Variants in RALYL observed in about 807,000 individuals in gnomAD.
RALYL encodes RNA-binding Raly-like protein.
Under a neutral mutation model 35.1 loss-of-function variants are expected in RALYL, and 29 were observed. The ratio of observed to expected loss-of-function variants is 0.83; its 90% CI spans 0.61 to 1.13. RALYL has a LOEUF of 1.13. Among genes scored for constraint, RALYL ranks in the 50% most tolerant of loss-of-function variants. The pLI is 0.00. For missense variants in RALYL, 359 were observed against 360.4 expected, an observed-to-expected ratio of 1.00 and a Z score of 0.03; for synonymous variants, 120 against 127.6, an observed-to-expected ratio of 0.94 and a Z score of 0.40.
At chr8:84,729,059 C>T (rs1349111166) in intron 2 of RALYL, among the ~76,000 whole-genome samples, 5 of 152,078 alleles carry the variant, frequency 3.3e-5, no homozygotes, top group Admixed American at 2.6e-4. Flanking sequence ...TATGAATTAC[C>T]TTGGGCAGTA....
At chr8:84,189,016 G>C (rs1813208572) in intron 1 of RALYL, among the ~76,000 whole-genome samples, 1 of 152,114 alleles carries the variant, frequency 6.6e-6, no homozygotes, top group African/African-American at 2.4e-5. Context: ...TCCATTTGTA[G>C]CCACAGAGAT....
chr8:84,511,119 T>A (rs1456349069), intron 1 of RALYL, among the ~76,000 whole-genome samples: 4 of 152,176 alleles, frequency 2.6e-5, no homozygotes, highest in African/African-American at 9.6e-5. Flanking sequence ...ATCCTTCTAC[T>A]CTACTTCCAT....
chr8:84,713,847 G>A (rs930132525), intron 2 of RALYL, among the ~76,000 whole-genome samples: 1 of 150,746 alleles, frequency 6.6e-6, no homozygotes, highest in Non-Finnish European at 1.5e-5. Context: ...TCCATCCACA[G>A]ATAGGATAAA....
At chr8:84,308,438 C>G (rs1050975708) in intron 1 of RALYL, among the ~76,000 whole-genome samples, 1 of 152,134 alleles carries the variant, frequency 6.6e-6, no homozygotes, top group African/African-American at 2.4e-5. Flanking sequence ...CTGGCACTTT[C>G]TAGGTCTCTT....
At chr8:84,372,190 A>G (rs73298710) in intron 1 of RALYL, among the ~76,000 whole-genome samples, 4,495 of 152,148 alleles carry the variant, frequency 0.03, 215 homozygotes, top group African/African-American at 0.1. Flanking sequence ...TGACTTTACA[A>G]GTCAATAACA....
intron 2 of RALYL, among the ~76,000 whole-genome samples, chr8:84,732,303 T>C (rs1426860105): frequency 6.6e-6 from 1 of 152,142 alleles, no homozygotes; most frequent in African/African-American, 2.4e-5. Context: ...GAATGATTAA[T>C]AGCCTCATCT....
intron 1 of RALYL, among the ~76,000 whole-genome samples, chr8:84,335,233 T>G (rs1276502862): frequency 1.3e-5 from 2 of 152,162 alleles, no homozygotes; most frequent in Non-Finnish European, 2.9e-5. Context: ...TCTCTCCTCT[T>G]GCTGGCCTCT....
intron 1 of RALYL, among the ~76,000 whole-genome samples, chr8:84,347,078 G>C (rs1187948771): frequency 6.6e-6 from 1 of 151,908 alleles, no homozygotes; most frequent in African/African-American, 2.4e-5. Flanking sequence ...ACAGGTGCCT[G>C]TAAACCCAGC....
chr8:84,338,664 A>G (rs1848250629), intron 1 of RALYL, among the ~76,000 whole-genome samples: 2 of 152,166 alleles, frequency 1.3e-5, no homozygotes, highest in Non-Finnish European at 2.9e-5. Flanking sequence ...TTCAAATCAA[A>G]CAGCCCTCTT....
intron 2 of RALYL, among the ~76,000 whole-genome samples, chr8:84,566,945 T>C (rs961983484): frequency 6.6e-6 from 1 of 151,726 alleles, no homozygotes; most frequent in Admixed American, 6.6e-5. Flanking sequence ...CATTTACAGT[T>C]TCTTTTAAAA....
chr8:84,306,141 G>C (rs954997588), intron 1 of RALYL, among the ~76,000 whole-genome samples: 37 of 151,620 alleles, frequency 2.4e-4, no homozygotes, highest in Non-Finnish European at 7.4e-5. Context: ...CCCAGCCTGG[G>C]TGACAGAGCG....
chr8:84,753,388 G>T (rs925191322), intron 2 of RALYL, among the ~76,000 whole-genome samples: 1 of 152,132 alleles, frequency 6.6e-6, no homozygotes, highest in South Asian at 2.1e-4. Flanking sequence ...TTGAGTTAAT[G>T]CTAGAATGGG....
chr8:84,302,114 A>G (rs1840911522), intron 1 of RALYL, among the ~76,000 whole-genome samples: 1 of 152,190 alleles, frequency 6.6e-6, no homozygotes, highest in Non-Finnish European at 1.5e-5. Flanking sequence ...ATCAAAGATT[A>G]TCATACAACT....
intron 2 of RALYL, among the ~76,000 whole-genome samples, chr8:84,631,846 T>A (rs1158818351): frequency 6.6e-6 from 1 of 152,002 alleles, no homozygotes; most frequent in South Asian, 2.1e-4. Context: ...ATTATTTGTA[T>A]GATTTGAACA....
At chr8:84,530,367 A>G (rs193139325) in intron 2 of RALYL, among the ~76,000 whole-genome samples, 4 of 152,058 alleles carry the variant, frequency 2.6e-5, no homozygotes, top group Admixed American at 2.6e-4. Flanking sequence ...TCTCATGGAT[A>G]CTCAAAAGGC....
At chr8:84,452,867 A>T (rs1183041038) in intron 1 of RALYL, among the ~76,000 whole-genome samples, 1 of 151,972 alleles carries the variant, frequency 6.6e-6, no homozygotes, top group East Asian at 1.9e-4. Context: ...ATGTATATTT[A>T]TGATTAAGAT....
intron 2 of RALYL, among the ~76,000 whole-genome samples, chr8:84,612,369 G>A (rs1818495482): frequency 6.6e-6 from 1 of 152,050 alleles, no homozygotes; most frequent in Non-Finnish European, 1.5e-5. Context: ...GGAGAGCATA[G>A]TAAAGGCAGG....
intron 1 of RALYL, among the ~76,000 whole-genome samples, chr8:84,405,928 G>A (rs201834845): frequency 4.9e-5 from 7 of 142,868 alleles, no homozygotes; most frequent in East Asian, 2.0e-4. Flanking sequence ...CACGCCATTC[G>A]CCTGCCTCAG....
intron 1 of RALYL, among the ~76,000 whole-genome samples, chr8:84,301,656 A>C (rs1328827541): frequency 6.6e-6 from 1 of 152,128 alleles, no homozygotes; most frequent in Non-Finnish European, 1.5e-5. Flanking sequence ...TAAATTGTAC[A>C]TCCATAGGGG....
Sources: allele counts gnomAD v4.1 joint callset (sites outside exome capture counted in the v4.1 genomes callset), GRCh38; gene constraint gnomAD v4.1.1; transcripts MANE v1.5; gene names NCBI Gene and HGNC (gene_info 2026-07-23, HGNC 2026-07-21).